LDLRAD4: variants seen among roughly 807,000 people sequenced by gnomAD.
LDLRAD4 encodes the protein low density lipoprotein receptor class A domain containing 4.
LDLRAD4 carries 5 observed loss-of-function variants against 17.0 expected under a neutral mutation model. The observed-to-expected ratio is 0.29, with a 90% CI of 0.15 to 0.62. The LOEUF (loss-of-function observed/expected upper bound fraction) is 0.62. Among genes scored for constraint, LDLRAD4 ranks in the 20% least tolerant of loss-of-function variants. The probability of loss-of-function intolerance (pLI) is 0.84; values close to 1 mark genes in which losing one functional copy is unlikely to be tolerated. For synonymous variants in LDLRAD4, 168 were observed against 171.8 expected (o/e 0.98, Z 0.17); for missense variants, 340 against 424.7 (o/e 0.80, Z 1.75).
At chr18:13,227,052 C>T (rs1237864447) in intron 1 of LDLRAD4, among the ~76,000 whole-genome samples, 1 of 152,166 alleles carries the variant, frequency 6.6e-6, no homozygotes, top group Non-Finnish European at 1.5e-5. Context: ...CCTAAGGATG[C>T]AGACAGAAAA....
rs148869485 is a variant in LDLRAD4 at position 13,645,582 on chromosome 18, G to A, written c.846G>A (p.Gln282=). 204 of 1,597,546 alleles carry A rather than the reference G, an allele frequency of 1.3e-4. No homozygotes were observed. Among genetic ancestry groups the A allele is most frequent in the Non-Finnish European group, 1.6e-4 (189 of 1,172,656 alleles). ...ACGCACACAGGGGCAGCAGACTGCA[G>A]TTTCAGCAGAACAATGCAGAGAGCA... is the stretch of plus-strand genomic sequence containing the variant. The change falls in exon 6 of 6, where the codon CAG becomes CAA. Residue 282 remains glutamine (Q), a synonymous_variant. Coordinates refer to ENST00000359446, the Ensembl canonical transcript of LDLRAD4. The surrounding 1 kb of genome is among the most constrained non-coding windows in gnomAD (Gnocchi z 5.7).
intron 1 of LDLRAD4, among the ~76,000 whole-genome samples, chr18:13,310,324 C>G (rs902461941): frequency 1.3e-4 from 19 of 151,734 alleles, no homozygotes; most frequent in African/African-American, 4.4e-4. Context: ...TGCCCTCCTC[C>G]AGCCTGGGTG....
intron 1 of LDLRAD4, among the ~76,000 whole-genome samples, chr18:13,291,875 C>T (rs2045982516): frequency 6.6e-6 from 1 of 152,100 alleles, no homozygotes; most frequent in Non-Finnish European, 1.5e-5. Context: ...CAGCATGGGG[C>T]GTTTTTCATT....
At chr18:13,301,454 C>T (rs2046596884) in intron 1 of LDLRAD4, among the ~76,000 whole-genome samples, 1 of 152,034 alleles carries the variant, frequency 6.6e-6, no homozygotes, top group African/African-American at 2.4e-5. Context: ...GGGGAAGATT[C>T]TCTTAACAGA....
intron 3 of LDLRAD4, among the ~76,000 whole-genome samples, chr18:13,482,093 A>T (rs532551430): frequency 6.6e-6 from 1 of 152,160 alleles, no homozygotes; most frequent in East Asian, 1.9e-4. Context: ...GCAAGCAGGG[A>T]CAGGAAGGCC....
intron 1 of LDLRAD4, among the ~76,000 whole-genome samples, chr18:13,313,942 A>G (rs1469865400): frequency 6.6e-6 from 1 of 152,130 alleles, no homozygotes; most frequent in Non-Finnish European, 1.5e-5. Context: ...TGATGTCAGA[A>G]AGAGAGGGAA....
chr18:13,586,915 C>T (rs990021856), intron 3 of LDLRAD4, among the ~76,000 whole-genome samples: 3 of 151,400 alleles, frequency 2.0e-5, no homozygotes, highest in South Asian at 2.1e-4. Flanking sequence ...TGTGTATGCA[C>T]CCCTGTAACA....
At chr18:13,422,605 G>T (rs1235832309) in intron 2 of LDLRAD4, among the ~76,000 whole-genome samples, 1 of 152,074 alleles carries the variant, frequency 6.6e-6, no homozygotes, top group Non-Finnish European at 1.5e-5. Flanking sequence ...GGCTGAGGCG[G>T]GAGGATGGCT....
At chr18:13,314,230 A>G (rs2080811994) in intron 1 of LDLRAD4, among the ~76,000 whole-genome samples, 1 of 152,186 alleles carries the variant, frequency 6.6e-6, no homozygotes, top group African/African-American at 2.4e-5. Context: ...CTCAGTTACA[A>G]AGTGGTAAAT....
At chr18:13,568,066 G>A (rs1001873209) in intron 3 of LDLRAD4, among the ~76,000 whole-genome samples, 1 of 148,016 alleles carries the variant, frequency 6.8e-6, no homozygotes, top group African/African-American at 2.6e-5. Flanking sequence ...GGTGGGGGGT[G>A]GGGGGATCAC....
intron 2 of LDLRAD4, among the ~76,000 whole-genome samples, chr18:13,408,864 C>CT (rs1217940665): frequency 3.3e-5 from 5 of 151,830 alleles, no homozygotes; most frequent in Admixed American, 6.6e-5. Context: ...TTTCTTCCTT[C>CT]TTTTTTTGCT....
intron 1 of LDLRAD4, among the ~76,000 whole-genome samples, chr18:13,227,152 T>G (rs980016757): frequency 6.6e-6 from 1 of 152,230 alleles, no homozygotes; most frequent in East Asian, 1.9e-4. Flanking sequence ...GCAAATGTGC[T>G]AAAGTTTTCT....
chr18:13,311,776 C>G (rs1375059110), intron 1 of LDLRAD4, among the ~76,000 whole-genome samples: 1 of 151,916 alleles, frequency 6.6e-6, no homozygotes, highest in Non-Finnish European at 1.5e-5. Flanking sequence ...GGAATAGTTA[C>G]AGGCTGAGCA....
chr18:13,404,144 C>T (rs2087492447), intron 2 of LDLRAD4, among the ~76,000 whole-genome samples: 1 of 152,214 alleles, frequency 6.6e-6, no homozygotes, highest in South Asian at 2.1e-4. Context: ...CGCTTCTGGA[C>T]GAATGTCTCA....
intron 3 of LDLRAD4, among the ~76,000 whole-genome samples, chr18:13,601,753 G>A (rs2095166026): frequency 6.6e-6 from 1 of 152,110 alleles, no homozygotes; most frequent in Non-Finnish European, 1.5e-5. Context: ...GCAGTTTGGA[G>A]ATTTCTCAAA....
At chr18:13,390,524 G>A (rs2086188235) in intron 2 of LDLRAD4, among the ~76,000 whole-genome samples, 2 of 152,286 alleles carry the variant, frequency 1.3e-5, no homozygotes, top group East Asian at 1.9e-4. Flanking sequence ...ACCTAGACCT[G>A]CTAAATCAGG....
chr18:13,249,429 T>C (rs1459396458), intron 1 of LDLRAD4, among the ~76,000 whole-genome samples: 1 of 152,224 alleles, frequency 6.6e-6, no homozygotes, highest in Non-Finnish European at 1.5e-5. Flanking sequence ...TTTTTGATAG[T>C]GGCCATGCTA....
chr18:13,392,829 G>A (rs921169576), intron 2 of LDLRAD4, among the ~76,000 whole-genome samples: 1 of 152,144 alleles, frequency 6.6e-6, no homozygotes, highest in Non-Finnish European at 1.5e-5. Context: ...AGTCTTTCTG[G>A]TGAAAGGAGA....
intron 3 of LDLRAD4, among the ~76,000 whole-genome samples, chr18:13,450,977 C>G (rs2091798112): frequency 6.6e-6 from 1 of 152,176 alleles, no homozygotes; most frequent in Non-Finnish European, 1.5e-5. Flanking sequence ...CTTTCATTCT[C>G]TTTCATGAAG....
Sources: allele counts gnomAD v4.1 joint callset (sites outside exome capture counted in the v4.1 genomes callset), GRCh38; gene constraint gnomAD v4.1.1; non-coding constraint Gnocchi (gnomAD v3.1); transcripts MANE v1.5; gene names NCBI Gene and HGNC (gene_info 2026-07-23, HGNC 2026-07-21).